ENKUR: variants seen among roughly 807,000 people sequenced by gnomAD.
ENKUR encodes enkurin, TRPC channel interacting protein.
Under a neutral mutation model 27.6 loss-of-function variants are expected in ENKUR, and 19 were observed. The ratio of observed to expected loss-of-function variants is 0.69; its 90% CI spans 0.48 to 1.01. The LOEUF (loss-of-function observed/expected upper bound fraction) is 1.01. Ranked by LOEUF, ENKUR falls within the 50% of genes least tolerant of loss-of-function variation. The pLI, the probability that ENKUR is intolerant of heterozygous loss-of-function variation, is 0.00. For missense variants in ENKUR, 312 were observed against 310.5 expected (o/e 1.00, Z -0.04); for synonymous variants, 117 against 96.9 (o/e 1.21, Z -1.22).
At chr10:24,988,842 C>T (rs1474798336) in intron 4 of ENKUR, among the ~76,000 whole-genome samples, 1 of 151,604 alleles carries the variant, frequency 6.6e-6, no homozygotes, top group African/African-American at 2.4e-5. Flanking sequence ...CAGGGACATA[C>T]AACCAGATTG....
At chr10:25,024,548 C>T (rs753255424) in intron 2 of ENKUR, 12 of 1,614,026 alleles carry the variant, frequency 7.4e-6, no homozygotes, top group Admixed American at 6.7e-5. Flanking sequence ...TTTTGCCAGA[C>T]AGCTATAAAA....
intron 3 of ENKUR, among the ~76,000 whole-genome samples, chr10:24,993,912 T>C (rs185262844): frequency 2.0e-5 from 3 of 152,216 alleles, no homozygotes; most frequent in South Asian, 2.1e-4. Context: ...CATGGAGAAA[T>C]AATGGACTGG....
At chr10:25,015,667 T>C (rs1850550766) in intron 1 of ENKUR, among the ~76,000 whole-genome samples, 193 bp downstream of exon 1, 1 of 152,226 alleles carries the variant, frequency 6.6e-6, no homozygotes, top group Non-Finnish European at 1.5e-5. Flanking sequence ...CAGACTGCCC[T>C]CTCTGTAAAA....
intron 2 of ENKUR, among the ~76,000 whole-genome samples, chr10:25,059,675 G>T (rs915731062): frequency 1.3e-4 from 20 of 152,164 alleles, no homozygotes; most frequent in African/African-American, 4.8e-4. Flanking sequence ...ACATTTTAGG[G>T]CCAGGCATGG....
Position 24,984,155 on chromosome 10 carries a change from C to T in ENKUR, c.*215G>A. ...GTTGTCTTCTTAATTTTTCTTCCTCCAAATAGAAGCCTTTCATCATATACA... is the reference window on the plus strand; with the variant it reads ...GTTGTCTTCTTAATTTTTCTTCCTCTAAATAGAAGCCTTTCATCATATACA... On this transcript the variant is annotated 3_prime_UTR_variant, in exon 6 of 6. Transcript: ENST00000331161. The T allele has an allele frequency of 2.3e-6, 1 of 439,954 alleles. No individual in the cohort carries two copies. The highest frequency in any genetic ancestry group is 3.9e-6 in the Non-Finnish European group (1 of 256,054). The allele number at this position is 439,954 out of a possible 1,614,324, so 27.3% of individuals were successfully genotyped here. A position where few individuals can be genotyped will look rare whatever the true frequency, so the allele number is the denominator to read the frequency against.
upstream of ENKUR, chr10:25,016,688 T>C (rs1850588384): frequency 6.6e-6 from 1 of 152,350 alleles, no homozygotes; most frequent in African/African-American, 2.4e-5. Flanking sequence ...GGGAGCTAGC[T>C]GCAGGTACGG....
At chr10:25,035,771 G>C (rs1851000336) in intron 2 of ENKUR, among the ~76,000 whole-genome samples, 1 of 152,082 alleles carries the variant, frequency 6.6e-6, no homozygotes, top group South Asian at 2.1e-4. Flanking sequence ...ACAATGATTG[G>C]TATCTGCCTC....
intron 2 of ENKUR, among the ~76,000 whole-genome samples, chr10:25,028,091 A>T (rs1297041762): frequency 6.6e-6 from 1 of 152,196 alleles, no homozygotes; most frequent in Non-Finnish European, 1.5e-5. Context: ...ATCTTGAAGG[A>T]TGGGAAGATT....
chr10:24,993,300 CT>C (rs1849968164), intron 3 of ENKUR, among the ~76,000 whole-genome samples: 1 of 152,142 alleles, frequency 6.6e-6, no homozygotes, highest in South Asian at 2.1e-4. Context: ...ACTATTCACT[CT>C]TTGTTCTTTT....
chr10:25,018,595 T>G (rs1398929077), upstream of ENKUR, among the ~76,000 whole-genome samples: 1 of 151,712 alleles, frequency 6.6e-6, no homozygotes, highest in African/African-American at 2.4e-5. Context: ...GATTGTAGTT[T>G]GCACAGATCC....
At chr10:25,010,943 C>CAG (rs1850430249) in intron 1 of ENKUR, among the ~76,000 whole-genome samples, 2 of 151,620 alleles carry the variant, frequency 1.3e-5, no homozygotes, top group African/African-American at 4.8e-5. Flanking sequence ...GATTTATGGT[C>CAG]CTTTGGGTAT....
chr10:25,031,182 G>A (rs552249353), intron 2 of ENKUR, among the ~76,000 whole-genome samples: 18 of 152,320 alleles, frequency 1.2e-4, no homozygotes, highest in Admixed American at 9.2e-4. Flanking sequence ...TTATGTGCAT[G>A]CTATTCCTCA....
Position 24,999,508 on chromosome 10 carries a change from AT to A in ENKUR, c.115del (p.Met39CysfsTer8). Reference protein sequence around the residue: ...SIFKATVKDDMQKAKTAMKTM... With the variant: ...SIFKATVKDDXQKAKTAMKTM... ...TTTCATTGCAGTTTTAGCTTTTTGC[AT>A]GTCATCTTTTACAGTTGCCTTAAAA... On this transcript the variant is annotated frameshift_variant, in exon 2 of 6. Coordinates refer to ENST00000331161, the MANE Select transcript of ENKUR (RefSeq NM_145010.4). LOFTEE classifies it high-confidence loss of function. 1 of 1,612,848 alleles carries A rather than the reference AT, an allele frequency of 6.2e-7. No individual in the cohort carries two copies. Among genetic ancestry groups the A allele is most frequent in the Admixed American group, 1.7e-5 (1 of 59,872 alleles).
chr10:24,996,517 C>T (rs1056356905), intron 2 of ENKUR, among the ~76,000 whole-genome samples: 2 of 151,680 alleles, frequency 1.3e-5, no homozygotes, highest in South Asian at 2.1e-4. Flanking sequence ...GCTTATTGGC[C>T]GTTTTTACAC....
At chr10:25,053,926 C>T (rs1001917441) in intron 2 of ENKUR, among the ~76,000 whole-genome samples, 9 of 152,178 alleles carry the variant, frequency 5.9e-5, no homozygotes, top group African/African-American at 1.9e-4. Flanking sequence ...CCCCAAGCAT[C>T]CTTCTCAATC....
chr10:24,990,716 C>A, intron 3 of ENKUR, 107 bp from the exon 4 acceptor site: 1 of 1,163,044 alleles, frequency 8.6e-7, no homozygotes, highest in Non-Finnish European at 1.2e-6. Flanking sequence ...AGACTAAATC[C>A]TTTGTTCAAA....
chr10:25,005,224 AT>A (rs1485766490), intron 1 of ENKUR, among the ~76,000 whole-genome samples: 1 of 152,124 alleles, frequency 6.6e-6, no homozygotes, highest in African/African-American at 2.4e-5. Flanking sequence ...TCTATTTATT[AT>A]TAGAATTATG....
intron 2 of ENKUR, among the ~76,000 whole-genome samples, chr10:25,041,361 G>C (rs764724100): frequency 6.6e-6 from 1 of 151,932 alleles, no homozygotes; most frequent in Non-Finnish European, 1.5e-5. Context: ...CATATGTCTA[G>C]CCATGCCCTT....
chr10:25,015,205 G>A (rs910909393), intron 1 of ENKUR, among the ~76,000 whole-genome samples: 50 of 152,260 alleles, frequency 3.3e-4, no homozygotes, highest in African/African-American at 1.2e-3. Context: ...TTGAGATTTG[G>A]AGAATTTAAG....
Sources: allele counts gnomAD v4.1 joint callset (sites outside exome capture counted in the v4.1 genomes callset), GRCh38; gene constraint gnomAD v4.1.1; transcripts MANE v1.5; gene names NCBI Gene and HGNC (gene_info 2026-07-23, HGNC 2026-07-21).